Variants in TMEM201 observed in about 807,000 individuals in gnomAD.
TMEM201 encodes the protein transmembrane protein 201.
A neutral mutation model predicts 63.4 loss-of-function variants in TMEM201; 26 were observed. The observed-to-expected ratio is 0.41, with a 90% confidence interval of 0.30 to 0.57. TMEM201 has a LOEUF of 0.57. TMEM201 is among the 20% of genes least tolerant of loss of function. The pLI is 0.29. For missense variants in TMEM201, 794 were observed against 917.7 expected (o/e 0.87, Z 1.74); for synonymous variants, 417 against 421.6 (o/e 0.99, Z 0.14).
In TMEM201 at chr1:9,610,975, A is replaced by G; in HGVS notation, c.1765+170A>G. 6.5e-7 allele frequency: 1 copy of G among 1,530,152 alleles called. No individual in the cohort carries two copies. The highest frequency in any genetic ancestry group is 8.7e-7 in the Non-Finnish European group (1 of 1,142,932). The allele number at this position is 1,530,152 out of a possible 1,614,324, so 94.8% of individuals were successfully genotyped here. ...TCTGGTGACTTGAACCCTCTGGGAC[A>G]TTGACCTCTAATGGCTGATTTCAGT... On this transcript the variant is annotated intron_variant, in intron 9 of 10. Coordinates refer to ENST00000340381, the MANE Select transcript of TMEM201 (RefSeq NM_001130924.3). The surrounding 1 kb of genome is among the most constrained non-coding windows in gnomAD (Gnocchi z 4.9).
intron 4 of TMEM201, among the ~76,000 whole-genome samples, chr1:9,600,856 G>C (rs1395125172): frequency 6.6e-6 from 1 of 152,184 alleles, no homozygotes; most frequent in Non-Finnish European, 1.5e-5. Flanking sequence ...GGAGGAAGAG[G>C]TTGCAGTGAG....
intron 7 of TMEM201, among the ~76,000 whole-genome samples, chr1:9,609,205 C>G (rs992165161): frequency 4.6e-5 from 7 of 152,204 alleles, no homozygotes; most frequent in African/African-American, 1.4e-4. Context: ...CAGCCTATCC[C>G]CTGGCCTGGT....
intron 2 of TMEM201, 116 bp from the exon 3 acceptor site, chr1:9,596,743 G>A (rs1644027231): frequency 2.0e-6 from 2 of 1,025,516 alleles, no homozygotes; most frequent in East Asian, 5.1e-5. Context: ...AAAAAGAATG[G>A]AGATGTTTGA....
intron 5 of TMEM201, 74 bp downstream of exon 5, chr1:9,601,528 A>G (rs1375770194): frequency 3.6e-6 from 5 of 1,385,930 alleles, no homozygotes; most frequent in African/African-American, 1.4e-5. Context: ...GGCGGGGGCC[A>G]AGAGACCCCA....
Position 9,610,535 on chromosome 1 carries a change from C to A in TMEM201, c.1495C>A (p.Pro499Thr). The A allele has an allele frequency of 6.5e-7, 1 of 1,541,460 alleles. No homozygotes were observed. The highest frequency in any genetic ancestry group is 8.8e-7 in the Non-Finnish European group (1 of 1,140,328). ...DYFSLLSGSC[P>T]SSPLPSPAPS... ...CTTCTCTCTTCTGTCGGGGAGCTGC[C>A]CCTCCTCCCCACTCCCTTCCCCAGC... Residue 499 changes from proline (P) to threonine (T), a missense_variant, in exon 9 of 11, where the codon CCC becomes ACC. Physicochemically the swap from Pro to Thr is conservative, Grantham distance 38. Transcript: ENST00000340381. The surrounding 1 kb of genome is among the most constrained non-coding windows in gnomAD (Gnocchi z 4.9).
chr1:9,594,932 G>T (rs1005367745), intron 1 of TMEM201, among the ~76,000 whole-genome samples: 2 of 152,244 alleles, frequency 1.3e-5, no homozygotes. Flanking sequence ...TCCTGTGGAC[G>T]GGGGGCCGTC....
chr1:9,611,557 G>A lies in TMEM201; in HGVS notation c.1766-196G>A, dbSNP rs78451841. Among the ~76,000 whole-genome samples, 86 of 152,362 alleles carry A rather than the reference G, an allele frequency of 5.6e-4. 1 individual carries two copies. The highest frequency in any genetic ancestry group is 1.9e-3 in the African/African-American group (81 of 41,580). Reference sequence around the variant, plus strand: ...TCAGAGATCTGGTCACCTTGGGCCTGAATACTGGCAGACAAGAGGTGGCAG... The same window carrying A: ...TCAGAGATCTGGTCACCTTGGGCCTAAATACTGGCAGACAAGAGGTGGCAG... On this transcript the variant is annotated intron_variant, in intron 9 of 10. Transcript: ENST00000340381.
In TMEM201 at chr1:9,613,171, C is replaced by A; in HGVS notation, c.*88C>A. ...TCAGGACCCTCCCTGGAGGGGCTGC[C>A]ACCTCTGCCCTCATCTCCAGGGCCT... On this transcript the variant is annotated 3_prime_UTR_variant, in exon 11 of 11. Transcript: ENST00000340381. 7.8e-7 allele frequency: 1 copy of A among 1,286,760 alleles called. No homozygotes were observed. The highest frequency in any genetic ancestry group is 1.1e-6 in the Non-Finnish European group (1 of 919,870). 79.7% of individuals were successfully genotyped at this position (1,286,760 alleles called of 1,614,324 possible).
chr1:9,596,136 T>C, intron 2 of TMEM201, 126 bp downstream of exon 2: 1 of 1,237,122 alleles, frequency 8.1e-7, no homozygotes, highest in Non-Finnish European at 1.1e-6. Context: ...TCATACCCTG[T>C]CCTCTCCAGG....
chr1:9,595,488 TCAGCCCTGGTTTGGC>T (rs1465975251), intron 1 of TMEM201, among the ~76,000 whole-genome samples: 2 of 151,990 alleles, frequency 1.3e-5, no homozygotes, highest in Non-Finnish European at 2.9e-5. Flanking sequence ...CTGGTCCCAG[TCAGCCCTGGTTTGGC>T]CAGCCCTGGC....
In TMEM201 at chr1:9,604,781, G is replaced by C; in HGVS notation, c.1160+2509G>C. The C allele has an allele frequency of 1.0e-6, 1 of 986,004 alleles. No homozygotes were observed. Among genetic ancestry groups the C allele is most frequent in the Non-Finnish European group, 1.2e-6 (1 of 830,030 alleles). The allele number at this position is 986,004 out of a possible 1,614,324, so 61.1% of individuals were successfully genotyped here. A position where few individuals can be genotyped will look rare whatever the true frequency, so the allele number is the denominator to read the frequency against. ...TGCCACATTCAGCCCTGCCCAGGAA[G>C]GAACACATGACCCTTCTGTCTGTGA... On this transcript the variant is annotated intron_variant, in intron 6 of 10. Transcript: ENST00000340381. This position sits in a 1 kb window ranked among gnomAD's most constrained non-coding sequence, Gnocchi z 4.1.
In TMEM201 at chr1:9,614,153, G is replaced by C. The variant is rs566393482; in HGVS notation, c.*1070G>C. 6.6e-6 allele frequency: 1 copy of C among 152,312 alleles called. No homozygotes were observed. Among genetic ancestry groups the C allele is most frequent in the East Asian group, 1.9e-4 (1 of 5,152 alleles). 9.4% of individuals were successfully genotyped at this position (152,312 alleles called of 1,614,324 possible). ...GGGCCTGGGACACGGGCCTGGGGCA[G>C]TGTGTGTCTGCTGGTCATGTGCTGG... On this transcript the variant is annotated 3_prime_UTR_variant, in exon 11 of 11. Transcript: ENST00000340381.
At chr1:9,611,954 A>AG in intron 10 of TMEM201, 64 bp downstream of exon 10, 1 of 1,463,568 alleles carries the variant, frequency 6.8e-7, no homozygotes. Context: ...CATCTCCCCC[A>AG]GGGGGGTCCA....
Position 9,605,022 on chromosome 1 carries a change from T to C in TMEM201, c.1161-2535T>C. The C allele has an allele frequency of 1.0e-6, 1 of 985,620 alleles. No homozygotes were observed. Among genetic ancestry groups the C allele is most frequent in the South Asian group, 4.7e-5 (1 of 21,286 alleles). The allele number at this position is 985,620 out of a possible 1,614,324, so 61.1% of individuals were successfully genotyped here. A position where few individuals can be genotyped will look rare whatever the true frequency, so the allele number is the denominator to read the frequency against. Reference sequence around the variant, plus strand: ...GAAGGGCTCTGTGCCAGGGCTGGGGTGGGCAGCTGTGTTTGGGGTACAGAC... The same window carrying C: ...GAAGGGCTCTGTGCCAGGGCTGGGGCGGGCAGCTGTGTTTGGGGTACAGAC... On this transcript the variant is annotated intron_variant, in intron 6 of 10. Transcript: ENST00000340381. This position sits in a 1 kb window ranked among gnomAD's most constrained non-coding sequence, Gnocchi z 5.7.
At chr1:9,597,097 G>A in intron 3 of TMEM201, 44 bp downstream of exon 3, 1 of 1,566,888 alleles carries the variant, frequency 6.4e-7, no homozygotes, top group South Asian at 1.2e-5. Flanking sequence ...TGGGGCCAGG[G>A]ATGCTTAGAG....
chr1:9,606,561 G>A (rs1644248180), intron 6 of TMEM201: 1 of 152,252 alleles, frequency 6.6e-6, no homozygotes, highest in Non-Finnish European at 1.5e-5. Flanking sequence ...AGCAGCCCCC[G>A]GCTCCTGCAG....
At chr1:9,594,716 G>A (rs1265897015) in intron 1 of TMEM201, among the ~76,000 whole-genome samples, 2 of 152,228 alleles carry the variant, frequency 1.3e-5, no homozygotes, top group South Asian at 2.1e-4. Flanking sequence ...ATGGGTTAGC[G>A]ACAGAGCTGG....
At chr1:9,601,041 C>A in intron 4 of TMEM201, 64 bp from the exon 5 acceptor site, 1 of 1,428,286 alleles carries the variant, frequency 7.0e-7, no homozygotes, top group Non-Finnish European at 9.7e-7. Context: ...CAGACTGGCA[C>A]CGGTGATGGC....
At position 9,602,070 on chromosome 1, in the gene TMEM201, C is replaced by T. The variant is rs530592719; in HGVS notation, c.958C>T (p.Leu320Phe). 2.9e-5 allele frequency: 46 copies of T among 1,610,572 alleles called. 1 individual carries two copies. The South Asian group carries it at 4.8e-4, about 17-fold the overall frequency. ...GTGACCCCGCTGCTTCCCTTTCAGG[C>T]TCCGGAGGATCGATGCCTTCTGCAC... ...LAMLLAGRIR[L>F]RRIDAFCTCL... The change falls in exon 6 of 11, where the codon CTC (leucine) becomes TTC (phenylalanine). Residue 320 changes from leucine (L) to phenylalanine (F), a missense_variant and splice_region_variant. Physicochemically the swap from Leu to Phe is conservative, Grantham distance 22. Coordinates refer to ENST00000340381, the MANE Select transcript of TMEM201 (RefSeq NM_001130924.3).
Sources: allele counts gnomAD v4.1 joint callset (sites outside exome capture counted in the v4.1 genomes callset), GRCh38; gene constraint gnomAD v4.1.1; non-coding constraint Gnocchi (gnomAD v3.1); transcripts MANE v1.5; gene names NCBI Gene and HGNC (gene_info 2026-07-23, HGNC 2026-07-21).